RAMP1: variants seen among roughly 807,000 people sequenced by gnomAD.
The protein encoded by RAMP1 is receptor activity modifying protein 1.
In RAMP1, 7 loss-of-function variants were observed where a neutral mutation model predicts 8.2. That is an observed-to-expected ratio of 0.85 (90% confidence interval 0.49 to 1.60). The LOEUF is 1.60. RAMP1 is among the 40% of genes most tolerant of loss of function. The pLI is 0.00. For synonymous variants in RAMP1, 92 were observed against 84.7 expected, an observed-to-expected ratio of 1.09 and a Z score of -0.47; for missense variants, 192 against 202.4, an observed-to-expected ratio of 0.95 and a Z score of 0.31.
intron 1 of RAMP1, among the ~76,000 whole-genome samples, chr2:237,866,431 A>G (rs930185722): frequency 4.6e-5 from 7 of 151,896 alleles, no homozygotes; most frequent in Admixed American, 3.9e-4. Flanking sequence ...TGGTCCTACC[A>G]CCTCTTAACA....
At position 237,862,160 on chromosome 2, in the gene RAMP1, G is replaced by A. The variant is rs2062139589; in HGVS notation, c.52+2433G>A. 6.6e-6 allele frequency among the ~76,000 whole-genome samples: 1 copy of A among 152,112 alleles called. No homozygotes were observed. Among genetic ancestry groups the A allele is most frequent in the African/African-American group, 2.4e-5 (1 of 41,408 alleles). ...TAATGGCTGCAACATTAATTGAAAT[G>A]TATGACTTTATATAAATACAAGTAG... On this transcript the variant is annotated intron_variant, in intron 1 of 2. Transcript: ENST00000254661. This position sits in a 1 kb window ranked among gnomAD's most constrained non-coding sequence, Gnocchi z 4.0.
At chr2:237,875,976 A>G (rs1024775934) in intron 1 of RAMP1, among the ~76,000 whole-genome samples, 9 of 152,104 alleles carry the variant, frequency 5.9e-5, no homozygotes, top group Admixed American at 1.3e-4. Flanking sequence ...TCTCTGGTCC[A>G]TACCACTTCC....
At chr2:237,864,668 G>T (rs2062168786) in intron 1 of RAMP1, among the ~76,000 whole-genome samples, 1 of 152,222 alleles carries the variant, frequency 6.6e-6, no homozygotes, top group South Asian at 2.1e-4. Flanking sequence ...CTACAGTAGG[G>T]TGTCCTACAC....
intron 2 of RAMP1, among the ~76,000 whole-genome samples, chr2:237,879,867 G>A (rs1462379285): frequency 2.0e-5 from 3 of 150,412 alleles, no homozygotes; most frequent in Non-Finnish European, 4.4e-5. Flanking sequence ...GCACACGCCT[G>A]TAATCCCAGC....
At chr2:237,876,972 A>G (rs2062312350) in intron 1 of RAMP1, among the ~76,000 whole-genome samples, 1 of 152,096 alleles carries the variant, frequency 6.6e-6, no homozygotes, top group African/African-American at 2.4e-5. Context: ...TAATTGTGGG[A>G]TGGAATGTGC....
intron 2 of RAMP1, among the ~76,000 whole-genome samples, chr2:237,884,904 G>A (rs911492883): frequency 3.3e-5 from 5 of 152,226 alleles, no homozygotes; most frequent in African/African-American, 7.2e-5. Flanking sequence ...CTCAGAGGAC[G>A]GGGCTCCAGG....
intron 2 of RAMP1, among the ~76,000 whole-genome samples, chr2:237,903,329 T>A (rs866550710): frequency 6.6e-6 from 1 of 152,260 alleles, no homozygotes; most frequent in Non-Finnish European, 1.5e-5. Context: ...ATCACTGTTA[T>A]CTATATTTCA....
At chr2:237,866,689 C>T (rs1346599053) in intron 1 of RAMP1, among the ~76,000 whole-genome samples, 1 of 152,084 alleles carries the variant, frequency 6.6e-6, no homozygotes, top group African/African-American at 2.4e-5. Context: ...TGTGAGTTAA[C>T]CCATATTTTG....
At chr2:237,893,456 G>A (rs935282168) in intron 2 of RAMP1, among the ~76,000 whole-genome samples, 27 of 152,150 alleles carry the variant, frequency 1.8e-4, no homozygotes, top group African/African-American at 5.6e-4. Context: ...TGAGGTTTCC[G>A]GACATGGTTC....
At chr2:237,907,611 A>G (rs531978105) in intron 2 of RAMP1, among the ~76,000 whole-genome samples, 12 of 152,010 alleles carry the variant, frequency 7.9e-5, no homozygotes, top group African/African-American at 2.7e-4. Context: ...CATTGAAGGA[A>G]TTCTCTCTGA....
Position 237,865,946 on chromosome 2 carries a change from G to A in RAMP1, c.52+6219G>A, listed in dbSNP as rs138197178. ...GGAGGTGAAACCAGAGAGCATGCCT[G>A]TGTAGGTTTCCTCCAGTGCCTTATG... is the stretch of plus-strand genomic sequence containing the variant. On this transcript the variant is annotated intron_variant, in intron 1 of 2. Coordinates refer to ENST00000254661, the MANE Select transcript of RAMP1 (RefSeq NM_005855.4). This position sits in a 1 kb window ranked among gnomAD's most constrained non-coding sequence, Gnocchi z 4.2. Among the ~76,000 whole-genome samples, 7 of 152,368 alleles carry A rather than the reference G, an allele frequency of 4.6e-5. No homozygotes were observed. The East Asian group carries it at 7.7e-4, about 17-fold the overall frequency.
At chr2:237,910,676 C>T (rs1257719603) in intron 2 of RAMP1, among the ~76,000 whole-genome samples, 1 of 151,426 alleles carries the variant, frequency 6.6e-6, no homozygotes, top group Non-Finnish European at 1.5e-5. Flanking sequence ...CAGGGAATAA[C>T]AGCCACTCAC....
At chr2:237,909,365 T>G (rs1250734552) in intron 2 of RAMP1, among the ~76,000 whole-genome samples, 1 of 151,934 alleles carries the variant, frequency 6.6e-6, no homozygotes, top group Admixed American at 6.6e-5. Context: ...GCCGAGCCTG[T>G]GCCTGTCATG....
intron 2 of RAMP1, among the ~76,000 whole-genome samples, chr2:237,879,122 A>G (rs1274950940): frequency 7.9e-5 from 12 of 152,208 alleles, no homozygotes; most frequent in Admixed American, 5.2e-4. Flanking sequence ...GCCTTCTGCC[A>G]CAGCTGAGTC....
At chr2:237,885,732 T>C (rs1198422381) in intron 2 of RAMP1, among the ~76,000 whole-genome samples, 2 of 152,184 alleles carry the variant, frequency 1.3e-5, no homozygotes, top group Non-Finnish European at 2.9e-5. Flanking sequence ...CCCCTCTCTG[T>C]GTGTCTGCAC....
intron 2 of RAMP1, among the ~76,000 whole-genome samples, chr2:237,908,893 C>T (rs1196425800): frequency 3.3e-5 from 5 of 152,170 alleles, no homozygotes; most frequent in African/African-American, 1.2e-4. Context: ...CCTCAGCAGC[C>T]TAAGGCATCT....
chr2:237,888,028 A>G (rs1334404175), intron 2 of RAMP1, among the ~76,000 whole-genome samples: 1 of 152,092 alleles, frequency 6.6e-6, no homozygotes, highest in African/African-American at 2.4e-5. Flanking sequence ...GGCTTACTGT[A>G]GCATGTACCA....
At chr2:237,895,237 A>G (rs552735476) in intron 2 of RAMP1, among the ~76,000 whole-genome samples, 1 of 152,232 alleles carries the variant, frequency 6.6e-6, no homozygotes, top group African/African-American at 2.4e-5. Flanking sequence ...AAGGCAGGGC[A>G]GCGCGAGTCA....
intron 2 of RAMP1, among the ~76,000 whole-genome samples, chr2:237,887,170 G>C (rs770657922): frequency 6.6e-6 from 1 of 152,188 alleles, no homozygotes; most frequent in African/African-American, 2.4e-5. Context: ...TGTGTGGGGA[G>C]GGCAGTGGGT....
Sources: gnomAD v4.1 joint callset for allele counts (sites outside exome capture counted in the v4.1 genomes callset) on GRCh38, gnomAD v4.1.1 for gene constraint, Gnocchi (gnomAD v3.1) non-coding constraint, MANE v1.5 for transcripts, NCBI Gene and HGNC (gene_info 2026-07-23, HGNC 2026-07-21) for gene names.